The following TTC28 variants were observed in gnomAD, a reference collection of about 807,000 sequenced individuals.
TTC28 encodes tetratricopeptide repeat protein 28.
TTC28 carries 61 observed loss-of-function variants against 198.0 expected under a neutral mutation model. That is an observed-to-expected ratio of 0.31 (90% CI 0.25 to 0.38). The LOEUF (loss-of-function observed/expected upper bound fraction) is 0.38, where lower values mean the gene tolerates loss of function less well. TTC28 is among the 10% of genes least tolerant of loss of function. TTC28 has a pLI of 1.00. For synonymous variants in TTC28, 1,171 were observed against 1,297.8 expected, an observed-to-expected ratio of 0.90 and a Z score of 2.10; for missense variants, 2,678 against 3,164.0, an observed-to-expected ratio of 0.85 and a Z score of 3.69.
At position 28,037,864 on chromosome 22, in the gene TTC28, T is replaced by C. The variant is rs562639875; in HGVS notation, c.3933-7498A>G. 8.5e-5 allele frequency among the ~76,000 whole-genome samples: 13 copies of C among 152,292 alleles called. 1 individual carries two copies. Among genetic ancestry groups the C allele is most frequent in the African/African-American group, 3.1e-4 (13 of 41,556 alleles). On this transcript the variant is annotated intron_variant, in intron 12 of 22. Coordinates refer to ENST00000397906, the MANE Select transcript of TTC28 (RefSeq NM_001145418.2). ...TGTGTAAAAATCACAAGCCTTCCTA[T>C]ACACCAAAAACAGACAAACAGAGAG...
intron 2 of TTC28, among the ~76,000 whole-genome samples, chr22:28,543,285 C>A (rs1315055163): frequency 6.6e-6 from 1 of 151,798 alleles, no homozygotes; most frequent in Admixed American, 6.6e-5. Flanking sequence ...CTGCAGTGAG[C>A]CATAATTATG....
At chr22:28,143,204 G>T (rs1009085145) in intron 6 of TTC28, among the ~76,000 whole-genome samples, 32 of 152,040 alleles carry the variant, frequency 2.1e-4, no homozygotes, top group African/African-American at 7.7e-4. Context: ...GCATGGTAGG[G>T]GCTCAAAAAT....
chr22:28,030,381 G>A lies in TTC28; in HGVS notation c.3933-15C>T. 2 of 1,551,488 alleles carry A rather than the reference G, an allele frequency of 1.3e-6. No individual in the cohort carries two copies. The highest frequency in any genetic ancestry group is 1.7e-6 in the Non-Finnish European group (2 of 1,146,934). ...TGGCACAGGCCCTGCAGGAAAAATT[G>A]CAGAAAAAGCCAATCAGAGAAAGGA... is the stretch of plus-strand genomic sequence containing the variant. On this transcript the variant is annotated splice_polypyrimidine_tract_variant and intron_variant, in intron 12 of 22. Coordinates refer to ENST00000397906, the MANE Select transcript of TTC28 (RefSeq NM_001145418.2).
At chr22:28,264,033 A>C (rs759495768) in intron 5 of TTC28, among the ~76,000 whole-genome samples, 1 of 152,054 alleles carries the variant, frequency 6.6e-6, no homozygotes, top group East Asian at 1.9e-4. Context: ...AGGCAGAAAG[A>C]CCAATTCAGA....
intron 2 of TTC28, among the ~76,000 whole-genome samples, chr22:28,471,770 T>C (rs887004498): frequency 6.6e-6 from 1 of 152,188 alleles, no homozygotes; most frequent in Non-Finnish European, 1.5e-5. Flanking sequence ...GATTTCTGTA[T>C]AACAAGAGAA....
intron 6 of TTC28, among the ~76,000 whole-genome samples, chr22:28,160,031 T>C (rs1920997690): frequency 6.6e-6 from 1 of 152,032 alleles, no homozygotes. Flanking sequence ...TGGACATAAA[T>C]AATAGAAGGA....
At chr22:28,516,600 G>A (rs529060796) in intron 2 of TTC28, among the ~76,000 whole-genome samples, 2 of 151,344 alleles carry the variant, frequency 1.3e-5, no homozygotes, top group Non-Finnish European at 2.9e-5. Flanking sequence ...TCACACACTG[G>A]GGCCTGTCAG....
chr22:28,642,816 T>C (rs1420477813), intron 1 of TTC28, among the ~76,000 whole-genome samples: 1 of 152,210 alleles, frequency 6.6e-6, no homozygotes, highest in African/African-American at 2.4e-5. Context: ...ATTAGCAATA[T>C]GTGGTCGTTT....
At chr22:28,536,385 G>A (rs1331738450) in intron 2 of TTC28, among the ~76,000 whole-genome samples, 11 of 151,942 alleles carry the variant, frequency 7.2e-5, no homozygotes, top group Non-Finnish European at 1.3e-4. Flanking sequence ...AGCACTTTGG[G>A]AGGCCGAGGC....
intron 16 of TTC28, chr22:27,998,138 A>C (rs911584106): frequency 4.6e-6 from 1 of 218,728 alleles, no homozygotes; most frequent in Admixed American, 5.2e-5. Context: ...CCCTGAGAAC[A>C]CAGCTTCAGA....
At chr22:28,124,992 C>T (rs754918011) in intron 6 of TTC28, among the ~76,000 whole-genome samples, 1 of 152,146 alleles carries the variant, frequency 6.6e-6, no homozygotes, top group Non-Finnish European at 1.5e-5. Context: ...CTGTGTTCTT[C>T]GAGGAATAAA....
intron 13 of TTC28, among the ~76,000 whole-genome samples, chr22:28,016,411 C>T (rs1340455184): frequency 2.6e-5 from 4 of 152,262 alleles, no homozygotes; most frequent in African/African-American, 9.6e-5. Flanking sequence ...GGTTACCACA[C>T]ACACGTGTTC....
chr22:28,655,806 G>A (rs1024582210), intron 1 of TTC28, among the ~76,000 whole-genome samples: 2 of 151,224 alleles, frequency 1.3e-5, no homozygotes, highest in African/African-American at 4.9e-5. Flanking sequence ...AGCCGAGATT[G>A]TGCCACTGCA....
intron 2 of TTC28, among the ~76,000 whole-genome samples, chr22:28,330,409 G>A (rs748795972): frequency 1.3e-5 from 2 of 152,098 alleles, no homozygotes; most frequent in South Asian, 2.1e-4. Context: ...ATTTATGGTC[G>A]TCTTTGACTT....
At chr22:28,333,586 T>C (rs1243509244) in intron 2 of TTC28, among the ~76,000 whole-genome samples, 1 of 152,138 alleles carries the variant, frequency 6.6e-6, no homozygotes, top group Non-Finnish European at 1.5e-5. Flanking sequence ...TCTTCAATTC[T>C]GAACTGATCA....
intron 2 of TTC28, among the ~76,000 whole-genome samples, chr22:28,471,328 C>T (rs898924826): frequency 2.6e-5 from 4 of 152,076 alleles, no homozygotes; most frequent in Non-Finnish European, 4.4e-5. Flanking sequence ...CTTTGATTAG[C>T]GATGCAGAAA....
chr22:28,515,610 C>G (rs993362526), intron 2 of TTC28, among the ~76,000 whole-genome samples: 2 of 152,130 alleles, frequency 1.3e-5, no homozygotes, highest in Non-Finnish European at 2.9e-5. Context: ...GGCAATGCAA[C>G]AGAGTAGAGC....
At chr22:28,265,958 T>C (rs1465935655) in intron 5 of TTC28, among the ~76,000 whole-genome samples, 1 of 152,132 alleles carries the variant, frequency 6.6e-6, no homozygotes, top group Non-Finnish European at 1.5e-5. Context: ...GGAGGGCAGA[T>C]CACTTGAGTC....
intron 2 of TTC28, among the ~76,000 whole-genome samples, chr22:28,357,336 T>TG (rs2046093954): frequency 6.7e-6 from 1 of 149,204 alleles, no homozygotes; most frequent in Non-Finnish European, 1.5e-5. Flanking sequence ...TTTTTTTTTT[T>TG]GAGACAGAGC....
Sources: gnomAD v4.1 joint callset for allele counts (sites outside exome capture counted in the v4.1 genomes callset) on GRCh38, gnomAD v4.1.1 for gene constraint, MANE v1.5 for transcripts, NCBI Gene and HGNC (gene_info 2026-07-23, HGNC 2026-07-21) for gene names.